Variants in EXD1 observed in about 807,000 individuals in gnomAD.
EXD1 encodes piRNA biogenesis protein EXD1.
EXD1 carries 63 observed loss-of-function variants against 49.1 expected under a neutral mutation model. The observed-to-expected ratio is 1.28, with a 90% CI of 1.05 to 1.58. EXD1 has a LOEUF of 1.58. EXD1 is among the 40% of genes most tolerant of loss of function. The probability of loss-of-function intolerance (pLI) is 0.00; values close to 1 mark genes in which losing one functional copy is unlikely to be tolerated. For synonymous variants in EXD1, 234 were observed against 239.2 expected (o/e 0.98, Z 0.20); for missense variants, 748 against 666.0 (o/e 1.12, Z -1.36).
intron 10 of EXD1, among the ~76,000 whole-genome samples, chr15:41,190,883 T>C (rs535463066): frequency 6.9e-6 from 1 of 144,356 alleles, no homozygotes; most frequent in South Asian, 2.3e-4. Context: ...AAAATTTATT[T>C]AAGAGTGCTT....
intron 7 of EXD1, among the ~76,000 whole-genome samples, chr15:41,197,697 T>TTG (rs1348946303): frequency 6.6e-6 from 1 of 151,856 alleles, no homozygotes; most frequent in Non-Finnish European, 1.5e-5. Flanking sequence ...AGGCTGGATC[T>TTG]TGGCTCACTA....
chr15:41,226,077 C>T (rs903706258), intron 2 of EXD1, among the ~76,000 whole-genome samples: 35 of 151,652 alleles, frequency 2.3e-4, no homozygotes, highest in African/African-American at 8.2e-4. Flanking sequence ...ACGGTGAAAC[C>T]CTGTCTCTAC....
Position 41,189,986 on chromosome 15 carries a change from T to TA in EXD1, c.1006dup (p.Tyr336LeufsTer17). On this transcript the variant is annotated frameshift_variant, in exon 11 of 12. Coordinates refer to ENST00000458580, the MANE Select transcript of EXD1 (RefSeq NM_001286441.2). LOFTEE classifies it low-confidence loss of function (END_TRUNC). The stretch of plus-strand genomic sequence containing the variant: ...AGACCCTTCGCGATACGTGTTTAGG[T>TA]AACCATCCACCAGGGTGGTTAGGTC... 1 of 1,614,046 alleles carries TA rather than the reference T, an allele frequency of 6.2e-7. No homozygotes were observed. Among genetic ancestry groups the TA allele is most frequent in the Non-Finnish European group, 8.5e-7 (1 of 1,180,002 alleles).
At chr15:41,214,432 G>A (rs2046970044) in intron 6 of EXD1, among the ~76,000 whole-genome samples, 1 of 151,012 alleles carries the variant, frequency 6.6e-6, no homozygotes, top group South Asian at 2.1e-4. Flanking sequence ...AGAATCGCTT[G>A]AACCCAGGAG....
rs749034699 is a variant in EXD1, at chr15:41,217,114, T to C, written c.243A>G (p.Ala81=). 6.2e-7 allele frequency: 1 copy of C among 1,612,420 alleles called. No homozygotes were observed. The highest frequency in any genetic ancestry group is 1.3e-5 in the African/African-American group (1 of 74,930). Residue 81 remains alanine, a synonymous_variant, in exon 4 of 12, where the codon GCA becomes GCG. Coordinates refer to ENST00000458580, the MANE Select transcript of EXD1 (RefSeq NM_001286441.2). ...CTTCTTACCTAACAGAAGATGCTTT[T>C]GCTCTCACTGAGCCTTGTTCCACTT... ...LDEVEQGSVR[A]KASSVSLHAE...
At chr15:41,189,348 A>T (rs566987578) in intron 11 of EXD1, among the ~76,000 whole-genome samples, 2 of 151,064 alleles carry the variant, frequency 1.3e-5, no homozygotes, top group Admixed American at 6.6e-5. Context: ...AGCCTGAGTG[A>T]CAGAGCGAGA....
rs369003495 is a variant in EXD1, at chr15:41,204,106, G to C, written c.534+5395C>G. 4.0e-5 allele frequency among the ~76,000 whole-genome samples: 6 copies of C among 150,730 alleles called. No individual in the cohort carries two copies. The East Asian group carries it at 1.2e-3, about 29-fold the overall frequency. ...ACTAAAATACAAAAAAAATTAGCCAGGCATGGTGGCATGCACTTGTAGTCC... is the reference window on the plus strand; with the variant it reads ...ACTAAAATACAAAAAAAATTAGCCACGCATGGTGGCATGCACTTGTAGTCC... On this transcript the variant is annotated intron_variant, in intron 7 of 11. Coordinates refer to ENST00000458580, the MANE Select transcript of EXD1 (RefSeq NM_001286441.2).
chr15:41,220,499 C>T (rs1179194541), intron 2 of EXD1, among the ~76,000 whole-genome samples: 1 of 152,146 alleles, frequency 6.6e-6, no homozygotes, highest in African/African-American at 2.4e-5. Context: ...ACCTTGTGAT[C>T]CGCTTGCCTC....
intron 7 of EXD1, among the ~76,000 whole-genome samples, chr15:41,203,916 CAA>C (rs1187093511): frequency 2.2e-3 from 52 of 23,236 alleles, no homozygotes; most frequent in African/African-American, 0.013. Flanking sequence ...GACTTCTCCT[CAA>C]AAAAAAAAAA....
intron 9 of EXD1, among the ~76,000 whole-genome samples, chr15:41,192,527 C>G (rs1351717193): frequency 1.3e-5 from 2 of 149,420 alleles, no homozygotes; most frequent in African/African-American, 4.9e-5. Flanking sequence ...GATCTCTTGA[C>G]CTCGTGATCC....
intron 2 of EXD1, 147 bp from the exon 3 acceptor site, chr15:41,220,045 T>C (rs2047062747): frequency 3.2e-6 from 2 of 622,656 alleles, no homozygotes; most frequent in Admixed American, 6.4e-5. Flanking sequence ...CCCCAAGGAA[T>C]GAAGAGTCAA....
chr15:41,213,036 G>A (rs772817288), intron 6 of EXD1, among the ~76,000 whole-genome samples: 1 of 151,584 alleles, frequency 6.6e-6, no homozygotes, highest in Non-Finnish European at 1.5e-5. Context: ...GCAAGACCCC[G>A]TCTCAAAAAA....
In EXD1 at chr15:41,195,760, C is replaced by CTT. The variant is rs1426142579; in HGVS notation, c.720+13_720+14dup. The CTT allele has an allele frequency of 2.5e-6, 4 of 1,603,872 alleles. No individual in the cohort carries two copies. The highest frequency in any genetic ancestry group is 2.6e-6 in the Non-Finnish European group (3 of 1,175,288). On this transcript the variant is annotated intron_variant, in intron 9 of 11. Coordinates refer to ENST00000458580, the MANE Select transcript of EXD1 (RefSeq NM_001286441.2). ...TGTATATACTGGTTTGAATCCAGTG[C>CTT]TTCCCTTCATGTACCTGTGTGTCAA... is the stretch of plus-strand genomic sequence containing the variant.
At chr15:41,228,333 C>T (rs866821365) in intron 1 of EXD1, among the ~76,000 whole-genome samples, 1 of 152,108 alleles carries the variant, frequency 6.6e-6, no homozygotes, top group Admixed American at 6.6e-5. Flanking sequence ...ATACAATTTT[C>T]GGTCAAATAA....
At chr15:41,189,726 C>T (rs1386089529) in intron 11 of EXD1, among the ~76,000 whole-genome samples, 5 of 148,328 alleles carry the variant, frequency 3.4e-5, no homozygotes, top group African/African-American at 5.0e-5. Context: ...TAAACTTACC[C>T]ATTCTTAGAC....
At chr15:41,225,106 C>T (rs902964099) in intron 2 of EXD1, among the ~76,000 whole-genome samples, 3 of 152,296 alleles carry the variant, frequency 2.0e-5, no homozygotes, top group African/African-American at 7.2e-5. Flanking sequence ...ACTGACATGG[C>T]AGAGCAGGGG....
chr15:41,191,684 C>T, intron 9 of EXD1, 99 bp from the exon 10 acceptor site: 1 of 1,179,544 alleles, frequency 8.5e-7, no homozygotes, highest in Non-Finnish European at 1.2e-6. Flanking sequence ...TAACATTTTC[C>T]CCAAGGACCC....
chr15:41,210,235 C>T (rs1297014865), intron 6 of EXD1, among the ~76,000 whole-genome samples: 1 of 152,066 alleles, frequency 6.6e-6, no homozygotes, highest in Non-Finnish European at 1.5e-5. Context: ...ATCTTTAAGA[C>T]AAGATTCCTC....
intron 1 of EXD1, 115 bp from the exon 2 acceptor site, chr15:41,226,743 G>A: frequency 1.2e-6 from 1 of 868,720 alleles, no homozygotes; most frequent in Non-Finnish European, 1.6e-6. Flanking sequence ...ATTCAGTTTT[G>A]TTCATCTTTT....
Sources: allele counts gnomAD v4.1 joint callset (sites outside exome capture counted in the v4.1 genomes callset), GRCh38; gene constraint gnomAD v4.1.1; transcripts MANE v1.5; gene names NCBI Gene and HGNC (gene_info 2026-07-23, HGNC 2026-07-21).